The following TMPRSS9 variants were observed in gnomAD, a reference collection of about 807,000 sequenced individuals.
TMPRSS9 encodes transmembrane serine protease 9, also known as transmembrane protease serine 9.
Under a neutral mutation model 111.4 loss-of-function variants are expected in TMPRSS9, and 113 were observed. The ratio of observed to expected loss-of-function variants is 1.01; its 90% CI spans 0.87 to 1.19. The LOEUF (loss-of-function observed/expected upper bound fraction) is 1.19. TMPRSS9 is among the 50% of genes most tolerant of loss of function. The pLI is 0.00. For missense variants in TMPRSS9, 1,803 were observed against 1,513.1 expected (o/e 1.19, Z -3.18); for synonymous variants, 805 against 659.1 (o/e 1.22, Z -3.39).
chr19:2,376,854 A>G (rs570209230), intron 1 of TMPRSS9, among the ~76,000 whole-genome samples: 4 of 152,216 alleles, frequency 2.6e-5, no homozygotes, highest in African/African-American at 9.6e-5. Context: ...TCAAAGGAAG[A>G]TTCTGCCGCC....
chr19:2,425,879 G>A (rs758092182), intron 17 of TMPRSS9, 48 bp from the exon 19 acceptor site: 2 of 1,540,138 alleles, frequency 1.3e-6, no homozygotes, highest in Non-Finnish European at 1.7e-6. Flanking sequence ...AAGGGCTGCT[G>A]TAGGGGAGGT....
At chr19:2,424,961 G>A (rs1232505843) in intron 15 of TMPRSS9, 41 bp from the exon 17 acceptor site, 2 of 1,429,092 alleles carry the variant, frequency 1.4e-6, no homozygotes, top group South Asian at 1.4e-5. Flanking sequence ...GGCCGGGGGC[G>A]TGGGGGCTCG....
intron 9 of TMPRSS9, among the ~76,000 whole-genome samples, chr19:2,410,895 T>C (rs1971080979): frequency 6.6e-6 from 1 of 152,140 alleles, no homozygotes; most frequent in African/African-American, 2.4e-5. Context: ...GCACATACCC[T>C]GGGCATCAGA....
At chr19:2,370,510 G>C (rs993786430) in intron 1 of TMPRSS9, among the ~76,000 whole-genome samples, 4 of 150,208 alleles carry the variant, frequency 2.7e-5, no homozygotes, top group African/African-American at 9.8e-5. Flanking sequence ...TTTATTTTTT[G>C]TGGAGATGGG....
chr19:2,416,159 A>C, intron 11 of TMPRSS9: 1 of 415,796 alleles, frequency 2.4e-6, no homozygotes, highest in Non-Finnish European at 4.3e-6. Flanking sequence ...GAATTGCTTG[A>C]GCCCAGGAGG....
exon 12 of TMPRSS9, chr19:2,416,742 C>T: frequency 5.6e-6 from 9 of 1,613,106 alleles, no homozygotes; most frequent in Non-Finnish European, 7.6e-6. Flanking sequence ...TGCCCCTGGC[C>T]ATCCAGAAGT....
chr19:2,360,303 CG>C (rs1970184931), exon 1 of TMPRSS9, among the ~76,000 whole-genome samples: 2 of 152,166 alleles, frequency 1.3e-5, no homozygotes, highest in Admixed American at 1.3e-4. Context: ...CGCGGTGAGT[CG>C]GGGTCTCCTG....
chr19:2,385,352 G>A (rs1323967439), upstream of TMPRSS9, among the ~76,000 whole-genome samples: 1 of 152,146 alleles, frequency 6.6e-6, no homozygotes, highest in African/African-American at 2.4e-5. Flanking sequence ...AGGGATCCAT[G>A]CGACACAGGC....
intron 13 of TMPRSS9, among the ~76,000 whole-genome samples, chr19:2,420,089 GGT>G (rs1231410362): frequency 6.6e-6 from 1 of 152,116 alleles, no homozygotes; most frequent in Non-Finnish European, 1.5e-5. Context: ...CTTGAGGCCA[GGT>G]GTCTAGGCTG....
chr19:2,398,227 CG>C (rs1389975187), intron 2 of TMPRSS9, among the ~76,000 whole-genome samples: 1 of 151,288 alleles, frequency 6.6e-6, no homozygotes, highest in Non-Finnish European at 1.5e-5. Flanking sequence ...ACCTGAGAGA[CG>C]GAAGTTGCAA....
At chr19:2,425,185 C>T in exon 16 of TMPRSS9, 1 of 1,545,080 alleles carries the variant, frequency 6.5e-7, no homozygotes, top group Non-Finnish European at 8.7e-7. Flanking sequence ...TGGTGCGTCC[C>T]ATCTGCCTGC....
intron 12 of TMPRSS9, among the ~76,000 whole-genome samples, chr19:2,417,127 G>A (rs1971259220): frequency 6.6e-6 from 1 of 152,150 alleles, no homozygotes; most frequent in South Asian, 2.1e-4. Context: ...ACAGAGACTG[G>A]CCCTTAAAGC....
At chr19:2,400,782 G>C (rs1019014002) in intron 4 of TMPRSS9, among the ~76,000 whole-genome samples, 3 of 149,904 alleles carry the variant, frequency 2.0e-5, no homozygotes, top group African/African-American at 7.4e-5. Context: ...GAGACCAGCC[G>C]GGCCAACACG....
chr19:2,363,811 C>CGCGA (rs1555763797), intron 1 of TMPRSS9, among the ~76,000 whole-genome samples: 1 of 114,826 alleles, frequency 8.7e-6, no homozygotes, highest in Admixed American at 1.1e-4. Flanking sequence ...TGTGCGTGCG[C>CGCGA]GCGTGTGTGT....
At chr19:2,376,884 A>G (rs1599277087) in intron 1 of TMPRSS9, among the ~76,000 whole-genome samples, 1 of 151,782 alleles carries the variant, frequency 6.6e-6, no homozygotes, top group Non-Finnish European at 1.5e-5. Context: ...CCTGCTCTCC[A>G]CCCGGCCTGC....
intron 11 of TMPRSS9, 102 bp downstream of exon 12, chr19:2,415,943 G>A: frequency 2.2e-6 from 3 of 1,350,732 alleles, no homozygotes; most frequent in African/African-American, 1.5e-5. Context: ...GACCCCACTG[G>A]GGAGCAGCCC....
chr19:2,399,066 G>A (rs765483228), exon 4 of TMPRSS9: 11 of 1,613,460 alleles, frequency 6.8e-6, no homozygotes, highest in South Asian at 1.1e-5. Flanking sequence ...ACTTTCTGCT[G>A]CGACCCCTCC....
upstream of TMPRSS9, chr19:2,389,757 C>T (rs1431371527): frequency 1.9e-6 from 3 of 1,596,664 alleles, no homozygotes; most frequent in Admixed American, 3.4e-5. Flanking sequence ...TGTGTGGCAT[C>T]CAGCTCGCTG....
At chr19:2,400,579 A>G (rs978092251) in intron 4 of TMPRSS9, among the ~76,000 whole-genome samples, 3 of 151,998 alleles carry the variant, frequency 2.0e-5, no homozygotes, top group Non-Finnish European at 2.9e-5. Context: ...AAAATTATAC[A>G]GTGCATGATT....
Sources: gnomAD v4.1 joint callset for allele counts (sites outside exome capture counted in the v4.1 genomes callset) on GRCh38, gnomAD v4.1.1 for gene constraint, MANE v1.5 for transcripts, NCBI Gene and HGNC (gene_info 2026-07-23, HGNC 2026-07-21) for gene names.